SWT1: variants seen among roughly 807,000 people sequenced by gnomAD.
SWT1 encodes SWT1 RNA endoribonuclease homolog, also known as transcriptional protein SWT1.
Under a neutral mutation model 107.3 loss-of-function variants are expected in SWT1, and 33 were observed. The ratio of observed to expected loss-of-function variants is 0.31; its 90% CI spans 0.23 to 0.41. The LOEUF (loss-of-function observed/expected upper bound fraction) is 0.41. Among genes scored for constraint, SWT1 ranks in the 10% least tolerant of loss-of-function variants. The pLI is 1.00. For synonymous variants in SWT1, 345 were observed against 348.3 expected (o/e 0.99, Z 0.11); for missense variants, 898 against 1,028.9 (o/e 0.87, Z 1.74).
intron 17 of SWT1, among the ~76,000 whole-genome samples, chr1:185,272,033 A>G (rs536266729): frequency 6.6e-6 from 1 of 152,318 alleles, no homozygotes; most frequent in East Asian, 1.9e-4. Flanking sequence ...CAGGTACTAA[A>G]TGCCTGTAGC....
intron 16 of SWT1, among the ~76,000 whole-genome samples, chr1:185,243,323 T>C (rs936164226): frequency 3.5e-4 from 54 of 152,220 alleles, no homozygotes; most frequent in African/African-American, 1.3e-3. Context: ...TTGCCCAGGC[T>C]GGTCTTGATC....
At chr1:185,176,590 AGAACTGTG>A in intron 5 of SWT1, 1 of 983,150 alleles carries the variant, frequency 1.0e-6, no homozygotes, top group Non-Finnish European at 1.2e-6. Flanking sequence ...GAGAACTTTC[AGAACTGTG>A]GAACCTTGGA....
chr1:185,213,295 G>C (rs1252045631), intron 13 of SWT1, among the ~76,000 whole-genome samples: 3 of 152,146 alleles, frequency 2.0e-5, no homozygotes, highest in Non-Finnish European at 4.4e-5. Flanking sequence ...CCTGTGTGTA[G>C]CATCTCTCAT....
chr1:185,164,303 A>G (rs1654398980), intron 2 of SWT1, among the ~76,000 whole-genome samples: 1 of 152,178 alleles, frequency 6.6e-6, no homozygotes, highest in South Asian at 2.1e-4. Context: ...GAGTAGATTT[A>G]ACATCATTCT....
chr1:185,261,793 T>C (rs1349950704), intron 16 of SWT1, among the ~76,000 whole-genome samples: 2 of 152,160 alleles, frequency 1.3e-5, no homozygotes, highest in Non-Finnish European at 2.9e-5. Context: ...TCAAAGTTGA[T>C]CAATTAAATG....
intron 14 of SWT1, among the ~76,000 whole-genome samples, chr1:185,214,864 C>T (rs1398848613): frequency 4.6e-5 from 7 of 152,168 alleles, no homozygotes; most frequent in Non-Finnish European, 8.8e-5. Flanking sequence ...AGCAGTGTCA[C>T]AGCAGTTGTT....
At chr1:185,262,786 C>CTTTT (rs572086827) in intron 16 of SWT1, among the ~76,000 whole-genome samples, 33 of 135,470 alleles carry the variant, frequency 2.4e-4, no homozygotes, top group African/African-American at 8.0e-4. Context: ...TTTCTTCTTT[C>CTTTT]TTTTTTTTTT....
At chr1:185,276,705 A>C in intron 18 of SWT1, 37 bp downstream of exon 18, 1 of 1,228,148 alleles carries the variant, frequency 8.1e-7, no homozygotes, top group Non-Finnish European at 1.1e-6. Flanking sequence ...AACCATTGTA[A>C]CAAGCTTTTC....
chr1:185,217,900 A>G (rs1275920404), intron 14 of SWT1, among the ~76,000 whole-genome samples: 1 of 152,026 alleles, frequency 6.6e-6, no homozygotes, highest in African/African-American at 2.4e-5. Flanking sequence ...CCAGCCAATT[A>G]TTTCATTATA....
chr1:185,208,392 A>C (rs558435542), intron 13 of SWT1, among the ~76,000 whole-genome samples: 1 of 152,154 alleles, frequency 6.6e-6, no homozygotes, highest in African/African-American at 2.4e-5. Flanking sequence ...AGATTGAGCA[A>C]TATAAAAAGC....
intron 9 of SWT1, 131 bp downstream of exon 9, chr1:185,185,062 G>C: frequency 3.4e-6 from 2 of 587,088 alleles, no homozygotes; most frequent in East Asian, 3.4e-5. Context: ...GGGGCATTGT[G>C]ATGGTTTGTG....
At chr1:185,229,312 C>T (rs182673155) in intron 15 of SWT1, among the ~76,000 whole-genome samples, 2 of 152,194 alleles carry the variant, frequency 1.3e-5, no homozygotes, top group African/African-American at 4.8e-5. Flanking sequence ...CGATACAGCT[C>T]AAGAGACAGG....
intron 16 of SWT1, among the ~76,000 whole-genome samples, chr1:185,252,658 G>T (rs1452131309): frequency 6.6e-6 from 1 of 152,014 alleles, no homozygotes; most frequent in Non-Finnish European, 1.5e-5. Flanking sequence ...ATTTGCTTGA[G>T]TTCATTGTAG....
intron 5 of SWT1, among the ~76,000 whole-genome samples, chr1:185,178,163 G>A (rs1014881523): frequency 6.6e-6 from 1 of 152,196 alleles, no homozygotes; most frequent in Non-Finnish European, 1.5e-5. Flanking sequence ...AAGGACATGT[G>A]GGGTGAGGAC....
rs1421690567 is a variant in SWT1, at chr1:185,248,098, G to A, written c.2441+16390G>A. 2.6e-5 allele frequency among the ~76,000 whole-genome samples: 4 copies of A among 152,302 alleles called. No individual in the cohort carries two copies. In the East Asian group the frequency reaches 7.7e-4, roughly 29 times the overall value. On this transcript the variant is annotated intron_variant, in intron 16 of 18. Transcript: ENST00000367500. ...TTTCAAAAAGTCAACAGTTCCTTCA[G>A]ATTGCTTGGAAGCAGTTGTGAACAA...
chr1:185,218,686 A>G (rs918162711), intron 14 of SWT1, among the ~76,000 whole-genome samples: 10 of 152,182 alleles, frequency 6.6e-5, no homozygotes, highest in African/African-American at 2.4e-4. Context: ...CCTTCTAACC[A>G]CTAAAAAAAA....
At chr1:185,276,117 AT>A (rs764204660) in intron 17 of SWT1, among the ~76,000 whole-genome samples, 4 of 152,176 alleles carry the variant, frequency 2.6e-5, no homozygotes, top group Non-Finnish European at 5.9e-5. Context: ...TGTCTTCCAT[AT>A]GTGTGCCATA....
intron 14 of SWT1, among the ~76,000 whole-genome samples, chr1:185,217,824 G>T (rs1334467289): frequency 6.6e-5 from 10 of 152,156 alleles, no homozygotes. Context: ...TGGAACTCCT[G>T]CCCTCAGGTG....
chr1:185,229,186 C>T (rs1306414119), intron 15 of SWT1, among the ~76,000 whole-genome samples: 1 of 152,068 alleles, frequency 6.6e-6, no homozygotes, highest in Non-Finnish European at 1.5e-5. Flanking sequence ...TAGGTGTGTA[C>T]TGTGATAATC....
Sources: allele counts gnomAD v4.1 joint callset (sites outside exome capture counted in the v4.1 genomes callset), GRCh38; gene constraint gnomAD v4.1.1; transcripts MANE v1.5; gene names NCBI Gene and HGNC (gene_info 2026-07-23, HGNC 2026-07-21).